Variants in RELL1 observed in about 807,000 individuals in gnomAD.
The protein encoded by RELL1 is RELT-like protein 1.
In RELL1, 10 loss-of-function variants were observed where a neutral mutation model predicts 23.0. The ratio of observed to expected loss-of-function variants is 0.43; its 90% CI spans 0.27 to 0.74. The LOEUF is 0.74. Ranked by LOEUF, RELL1 falls within the 30% of genes least tolerant of loss-of-function variation. The pLI is 0.19. For missense variants in RELL1, 315 were observed against 364.4 expected, an observed-to-expected ratio of 0.86 and a Z score of 1.10; for synonymous variants, 146 against 146.8, an observed-to-expected ratio of 0.99 and a Z score of 0.04.
At chr4:37,644,649 G>A (rs56913983) in intron 3 of RELL1, among the ~76,000 whole-genome samples, 3,677 of 151,534 alleles carry the variant, frequency 0.024, 101 homozygotes, top group African/African-American at 0.057. Flanking sequence ...TAGTAGAGAC[G>A]GGGTTTCACC....
chr4:37,593,669 C>T (rs1255788500), intron 6 of RELL1, among the ~76,000 whole-genome samples: 1 of 152,122 alleles, frequency 6.6e-6, no homozygotes, highest in Non-Finnish European at 1.5e-5. Flanking sequence ...ACTCAGAATG[C>T]AGTTACTAAG....
intron 1 of RELL1, among the ~76,000 whole-genome samples, chr4:37,661,997 C>A (rs1721373145): frequency 6.6e-6 from 1 of 152,138 alleles, no homozygotes; most frequent in Non-Finnish European, 1.5e-5. Flanking sequence ...GTCCACCCAC[C>A]CATGAAACAA....
chr4:37,641,462 T>G (rs1394028494), intron 3 of RELL1, among the ~76,000 whole-genome samples: 1 of 152,114 alleles, frequency 6.6e-6, no homozygotes, highest in Non-Finnish European at 1.5e-5. Context: ...ATACTGTGAG[T>G]TCTGTTGAAG....
At chr4:37,674,091 C>T (rs867723807) in intron 1 of RELL1, among the ~76,000 whole-genome samples, 1 of 152,188 alleles carries the variant, frequency 6.6e-6, no homozygotes, top group African/African-American at 2.4e-5. Flanking sequence ...GAAGGAAAGT[C>T]TCCCTCCCTT....
At chr4:37,669,594 G>A (rs1473101820) in intron 1 of RELL1, among the ~76,000 whole-genome samples, 3 of 152,228 alleles carry the variant, frequency 2.0e-5, no homozygotes, top group Non-Finnish European at 4.4e-5. Flanking sequence ...ATAGAAAGGG[G>A]GGAAAGGTGG....
At chr4:37,610,511 C>CTTGA (rs1577561619), downstream of RELL1, among the ~76,000 whole-genome samples, 1 of 152,118 alleles carries the variant, frequency 6.6e-6, no homozygotes, top group East Asian at 1.9e-4. The surrounding 1 kb of genome is among the most constrained non-coding windows in gnomAD (Gnocchi z 4.1). Context: ...CAAGTGATCA[C>CTTGA]TTGATATTTC....
At chr4:37,635,708 C>T (rs192804421) in intron 4 of RELL1, among the ~76,000 whole-genome samples, 81 of 152,334 alleles carry the variant, frequency 5.3e-4, no homozygotes, top group Non-Finnish European at 7.8e-4. Flanking sequence ...TAGTGATACA[C>T]TGGCTTTAAA....
At chr4:37,617,645 T>C (rs1029461656) in intron 6 of RELL1, among the ~76,000 whole-genome samples, 2 of 152,128 alleles carry the variant, frequency 1.3e-5, no homozygotes, top group African/African-American at 4.8e-5. Flanking sequence ...TAGCTGGGCA[T>C]GATGACGCAT....
intron 6 of RELL1, among the ~76,000 whole-genome samples, chr4:37,596,566 C>T (rs919471517): frequency 9.3e-5 from 14 of 151,114 alleles, no homozygotes; most frequent in African/African-American, 2.9e-4. Flanking sequence ...TTTAGCAATA[C>T]TAAGATGAAG....
At chr4:37,595,804 G>A (rs1718820195) in intron 6 of RELL1, among the ~76,000 whole-genome samples, 1 of 152,162 alleles carries the variant, frequency 6.6e-6, no homozygotes. Context: ...CCTAAGGACG[G>A]TAATCCCAAA....
chr4:37,604,834 C>CACACACACACAT (rs1719124803), intron 6 of RELL1, among the ~76,000 whole-genome samples: 2 of 105,368 alleles, frequency 1.9e-5, no homozygotes, highest in South Asian at 3.2e-4. Context: ...CACACACATA[C>CACACACACACAT]ACACAGACAC....
chr4:37,647,304 C>T (rs1479240758), intron 3 of RELL1, 64 bp downstream of exon 3: 10 of 1,143,370 alleles, frequency 8.7e-6, no homozygotes, highest in South Asian at 1.3e-5. Context: ...CTTGACTCTT[C>T]GAAGCAGGTT....
chr4:37,647,032 A>G (rs566408695), intron 3 of RELL1, among the ~76,000 whole-genome samples: 1 of 152,252 alleles, frequency 6.6e-6, no homozygotes. Context: ...GCTGAGGTAA[A>G]TATTATTATC....
At chr4:37,600,651 C>A (rs1718990592) in intron 6 of RELL1, among the ~76,000 whole-genome samples, 1 of 151,890 alleles carries the variant, frequency 6.6e-6, no homozygotes, top group African/African-American at 2.4e-5. Flanking sequence ...TCCTCATGCC[C>A]CAAATAAGAT....
chr4:37,607,037 C>A (rs533033755), downstream of RELL1, among the ~76,000 whole-genome samples: 45 of 152,272 alleles, frequency 3.0e-4, no homozygotes, highest in African/African-American at 1.1e-3. Flanking sequence ...TTATGCAAAA[C>A]CTCCGTCTAA....
chr4:37,669,442 C>A (rs545494509), intron 1 of RELL1, among the ~76,000 whole-genome samples: 1 of 151,028 alleles, frequency 6.6e-6, no homozygotes, highest in East Asian at 2.0e-4. Flanking sequence ...CCAGCCACCC[C>A]GTCCGGGAGG....
downstream of RELL1, among the ~76,000 whole-genome samples, chr4:37,609,420 C>G (rs965038900): frequency 6.6e-6 from 1 of 152,186 alleles, no homozygotes; most frequent in Non-Finnish European, 1.5e-5. Flanking sequence ...TGGAGATGTA[C>G]AAAGGGAGAA....
At chr4:37,654,500 A>T (rs1721055782) in intron 1 of RELL1, among the ~76,000 whole-genome samples, 1 of 152,242 alleles carries the variant, frequency 6.6e-6, no homozygotes, top group African/African-American at 2.4e-5. Context: ...ATAATGTCTA[A>T]AACATTTATA....
chr4:37,636,465 G>C (rs1720334388), intron 4 of RELL1, among the ~76,000 whole-genome samples: 1 of 151,832 alleles, frequency 6.6e-6, no homozygotes. Context: ...GGTGGTGGCG[G>C]GCGCCTGTAG....
Sources: gnomAD v4.1 joint callset for allele counts (sites outside exome capture counted in the v4.1 genomes callset) on GRCh38, gnomAD v4.1.1 for gene constraint, Gnocchi (gnomAD v3.1) non-coding constraint, MANE v1.5 for transcripts, NCBI Gene and HGNC (gene_info 2026-07-23, HGNC 2026-07-21) for gene names.